The following ATP23 variants were observed in gnomAD, a reference collection of about 807,000 sequenced individuals.
ATP23 encodes ATP23 metallopeptidase and ATP synthase assembly factor homolog.
Under a neutral mutation model 28.5 loss-of-function variants are expected in ATP23, and 24 were observed. The observed-to-expected ratio is 0.84, with a 90% confidence interval of 0.61 to 1.18. The LOEUF (loss-of-function observed/expected upper bound fraction) is 1.18. Among genes scored for constraint, ATP23 ranks in the 50% most tolerant of loss-of-function variants. ATP23 has a pLI of 0.00. For missense variants in ATP23, 274 were observed against 306.4 expected, an observed-to-expected ratio of 0.89 and a Z score of 0.79; for synonymous variants, 99 against 108.6, an observed-to-expected ratio of 0.91 and a Z score of 0.55.
chr12:57,946,602 C>T (rs112123019), intron 2 of ATP23, among the ~76,000 whole-genome samples: 479 of 151,578 alleles, frequency 3.2e-3, no homozygotes, highest in African/African-American at 5.9e-3. Context: ...GGATTATAGG[C>T]GCCCACCACC....
Position 57,941,726 on chromosome 12 carries a change from C to A in ATP23, c.25C>A (p.Arg9=). The change falls in exon 1 of 6, where the codon CGG becomes AGG. Residue 9 remains arginine (R), a synonymous_variant. Coordinates refer to ENST00000300145, the MANE Select transcript of ATP23 (RefSeq NM_033276.4). MAGAPDER[R]RGPAAGEQLQ... is the part of the protein sequence containing the mutation. ...CATGGCGGGAGCTCCGGACGAGCGC[C>A]GGCGGGGCCCCGCGGCAGGGGAGCA... 1 of 1,599,418 alleles carries A rather than the reference C, an allele frequency of 6.3e-7. No homozygotes were observed. Among genetic ancestry groups the A allele is most frequent in the African/African-American group, 1.3e-5 (1 of 74,632 alleles).
chr12:57,949,764 G>A (rs930613372), intron 3 of ATP23: 2 of 152,210 alleles, frequency 1.3e-5, no homozygotes, highest in African/African-American at 4.8e-5. Flanking sequence ...CAAAGTGCTG[G>A]GATTACAAGT....
At chr12:57,946,146 G>A (rs1209976715) in intron 2 of ATP23, among the ~76,000 whole-genome samples, 1 of 152,156 alleles carries the variant, frequency 6.6e-6, no homozygotes, top group Non-Finnish European at 1.5e-5. Context: ...GATTACAGGT[G>A]TGAGCCACTG....
intron 5 of ATP23, among the ~76,000 whole-genome samples, chr12:57,954,696 G>A (rs1368893387): frequency 2.0e-5 from 3 of 152,188 alleles, no homozygotes; most frequent in African/African-American, 7.2e-5. Context: ...TCTACAGTAA[G>A]AGCCTGCTGA....
At chr12:57,942,425 A>ATTTTT (rs35301187) in intron 1 of ATP23, among the ~76,000 whole-genome samples, 4 of 139,156 alleles carry the variant, frequency 2.9e-5, no homozygotes, top group African/African-American at 1.1e-4. Flanking sequence ...CCCTAAGTGC[A>ATTTTT]TTTTTTTTTT....
rs1956883706 is a variant in ATP23, at chr12:57,957,908, C to A, written c.*1018C>A. Among the ~76,000 whole-genome samples, 1 of 152,198 alleles carries A rather than the reference C, an allele frequency of 6.6e-6. No homozygotes were observed. Among genetic ancestry groups the A allele is most frequent in the South Asian group, 2.1e-4 (1 of 4,834 alleles). On this transcript the variant is annotated 3_prime_UTR_variant, in exon 6 of 6. Transcript: ENST00000300145. Reference sequence around the variant, plus strand: ...CCCGGCCAGAACTTGGGAGAGGGCACAAATCCCATGTGCAGAATCCACAGA... The same window carrying A: ...CCCGGCCAGAACTTGGGAGAGGGCAAAAATCCCATGTGCAGAATCCACAGA...
intron 3 of ATP23, among the ~76,000 whole-genome samples, chr12:57,947,511 CAT>C (rs2140531260): frequency 6.6e-6 from 1 of 152,178 alleles, no homozygotes; most frequent in African/African-American, 2.4e-5. Flanking sequence ...AGGGCAGGAA[CAT>C]GTGGGGAATG....
Position 57,957,579 on chromosome 12 carries a change from G to A in ATP23, c.*689G>A, listed in dbSNP as rs1956880806. Among the ~76,000 whole-genome samples, 1 of 152,204 alleles carries A rather than the reference G, an allele frequency of 6.6e-6. No homozygotes were observed. Among genetic ancestry groups the A allele is most frequent in the Admixed American group, 6.5e-5 (1 of 15,280 alleles). On this transcript the variant is annotated 3_prime_UTR_variant, in exon 6 of 6. Transcript: ENST00000300145. Reference sequence around the variant, plus strand: ...ATACTGTGAGTGCCCAACTGCAGAAGTGGGAAAGGGAGACCCTCCTCTCCC... The same window carrying A: ...ATACTGTGAGTGCCCAACTGCAGAAATGGGAAAGGGAGACCCTCCTCTCCC...
Position 57,957,447 on chromosome 12 carries a change from G to A in ATP23, c.*557G>A, listed in dbSNP as rs1036575384. Among the ~76,000 whole-genome samples the A allele has an allele frequency of 1.1e-4, 17 of 152,060 alleles. No individual in the cohort carries two copies. Among genetic ancestry groups the A allele is most frequent in the African/African-American group, 4.1e-4 (17 of 41,402 alleles). On this transcript the variant is annotated 3_prime_UTR_variant, in exon 6 of 6. Coordinates refer to ENST00000300145, the MANE Select transcript of ATP23 (RefSeq NM_033276.4). Reference sequence around the variant, plus strand: ...TTTCTTTTTAATAAAGGCAGTGCTCGAATTTTAGCTCCAGATCGACTGCAA... The same window carrying A: ...TTTCTTTTTAATAAAGGCAGTGCTCAAATTTTAGCTCCAGATCGACTGCAA...
At chr12:57,956,262 T>G (rs955005303) in intron 5 of ATP23, among the ~76,000 whole-genome samples, 3 of 152,184 alleles carry the variant, frequency 2.0e-5, no homozygotes, top group Non-Finnish European at 4.4e-5. Flanking sequence ...TTATCTAGCA[T>G]TGGTCAACTG....
chr12:57,951,814 A>G lies in ATP23; in HGVS notation c.372A>G (p.Thr124=). Residue 124 remains threonine (T), a synonymous_variant, in exon 4 of 6, where the codon ACA becomes ACG. Coordinates refer to ENST00000300145, the MANE Select transcript of ATP23 (RefSeq NM_033276.4). ...AGGCCCATATGAACAGAGTGGTCAC[A>G]CACGAGCTTATTCATGCATTTGATC... ...HNQAHMNRVV[T]HELIHAFDHC... 1 of 1,614,206 alleles carries G rather than the reference A, an allele frequency of 6.2e-7. No individual in the cohort carries two copies. Among genetic ancestry groups the G allele is most frequent in the Non-Finnish European group, 8.5e-7 (1 of 1,180,034 alleles).
intron 5 of ATP23, among the ~76,000 whole-genome samples, chr12:57,955,247 A>G (rs1956854944): frequency 6.6e-6 from 1 of 151,846 alleles, no homozygotes; most frequent in Non-Finnish European, 1.5e-5. Flanking sequence ...CAATTAAAAA[A>G]AAATCAGTTG....
At chr12:57,947,128 T>A in intron 3 of ATP23, 52 bp downstream of exon 3, 1 of 1,547,006 alleles carries the variant, frequency 6.5e-7, no homozygotes, top group South Asian at 1.1e-5. Context: ...TCTCTTTATA[T>A]TTTTTGAGCA....
chr12:57,942,615 G>A (rs1370778963), intron 1 of ATP23, among the ~76,000 whole-genome samples: 4 of 152,122 alleles, frequency 2.6e-5, no homozygotes, highest in Admixed American at 2.0e-4. Flanking sequence ...AGTAGAGACG[G>A]GTTTTCACCG....
intron 5 of ATP23, among the ~76,000 whole-genome samples, chr12:57,954,053 G>C (rs1276445247): frequency 6.6e-6 from 1 of 151,906 alleles, no homozygotes; most frequent in African/African-American, 2.4e-5. Context: ...AAATTAGCTG[G>C]GCGTAGTGGA....
At chr12:57,953,362 T>C (rs1239200659) in intron 4 of ATP23, among the ~76,000 whole-genome samples, 1 of 152,208 alleles carries the variant, frequency 6.6e-6, no homozygotes, top group Non-Finnish European at 1.5e-5. Context: ...TTTCCTTTGG[T>C]AGGCGATTGA....
intron 5 of ATP23, among the ~76,000 whole-genome samples, chr12:57,956,219 T>A (rs2140543777): frequency 6.6e-6 from 1 of 152,274 alleles, no homozygotes; most frequent in East Asian, 1.9e-4. Context: ...TCCTGTTGCC[T>A]CCAGAGAGGA....
At chr12:57,942,558 G>A (rs1956716831) in intron 1 of ATP23, among the ~76,000 whole-genome samples, 1 of 152,006 alleles carries the variant, frequency 6.6e-6, no homozygotes, top group Admixed American at 6.6e-5. Flanking sequence ...CGAGTAGCTG[G>A]GACTACAGGC....
intron 1 of ATP23, among the ~76,000 whole-genome samples, chr12:57,943,118 A>G (rs1190124145): frequency 5.3e-5 from 8 of 152,148 alleles, no homozygotes; most frequent in Admixed American, 2.6e-4. Context: ...AGGGGAGAGA[A>G]TGATGATATT....
Sources: allele counts gnomAD v4.1 joint callset (sites outside exome capture counted in the v4.1 genomes callset), GRCh38; gene constraint gnomAD v4.1.1; transcripts MANE v1.5; gene names NCBI Gene and HGNC (gene_info 2026-07-23, HGNC 2026-07-21).